Variants in CNTN4 observed in about 807,000 individuals in gnomAD.
CNTN4 encodes contactin 4, also known as contactin-4.
A neutral mutation model predicts 122.5 loss-of-function variants in CNTN4; 77 were observed. That is an observed-to-expected ratio of 0.63 (90% CI 0.52 to 0.76). The LOEUF (loss-of-function observed/expected upper bound fraction) is 0.76, where lower values mean the gene tolerates loss of function less well. Among genes scored for constraint, CNTN4 ranks in the 30% least tolerant of loss-of-function variants. The probability of loss-of-function intolerance (pLI) is 0.00; values close to 1 mark genes in which losing one functional copy is unlikely to be tolerated. For missense variants in CNTN4, 1,256 were observed against 1,259.1 expected, an observed-to-expected ratio of 1.00 and a Z score of 0.04; for synonymous variants, 512 against 447.0, an observed-to-expected ratio of 1.15 and a Z score of -1.83.
chr3:2,500,474 C>G (rs2076566854), intron 3 of CNTN4, among the ~76,000 whole-genome samples: 1 of 151,904 alleles, frequency 6.6e-6, no homozygotes, highest in African/African-American at 2.4e-5. Context: ...TAGTATTATT[C>G]CATTGTGTTC....
chr3:2,236,401 C>T (rs922116302), intron 2 of CNTN4, among the ~76,000 whole-genome samples: 3 of 152,108 alleles, frequency 2.0e-5, no homozygotes, highest in South Asian at 2.1e-4. Flanking sequence ...GTCTAAATGA[C>T]GTCATGTGTG....
intron 2 of CNTN4, among the ~76,000 whole-genome samples, chr3:2,285,675 G>T (rs1294759556): frequency 6.6e-6 from 1 of 152,002 alleles, no homozygotes; most frequent in Non-Finnish European, 1.5e-5. Context: ...CAGAGCCAAG[G>T]TAATTAGTTT....
chr3:2,592,837 G>C (rs895561732), intron 4 of CNTN4, among the ~76,000 whole-genome samples: 2 of 152,134 alleles, frequency 1.3e-5, no homozygotes, highest in Non-Finnish European at 2.9e-5. Flanking sequence ...ATAATTTAAA[G>C]TTTTCACAGC....
intron 5 of CNTN4, among the ~76,000 whole-genome samples, chr3:2,739,710 C>T (rs901738592): frequency 3.9e-5 from 6 of 152,132 alleles, no homozygotes; most frequent in Admixed American, 2.0e-4. Context: ...TTATTTAATA[C>T]AAGTTTTACA....
intron 6 of CNTN4, among the ~76,000 whole-genome samples, chr3:2,805,036 G>T (rs1463611632): frequency 6.6e-6 from 1 of 152,104 alleles, no homozygotes; most frequent in East Asian, 1.9e-4. Flanking sequence ...AATTTGCCGG[G>T]CATGGTGGCA....
chr3:2,220,213 G>T (rs532467736), intron 2 of CNTN4, among the ~76,000 whole-genome samples: 2 of 152,156 alleles, frequency 1.3e-5, no homozygotes, highest in South Asian at 2.1e-4. Flanking sequence ...GATTTCCCCA[G>T]ATCTTCTCAT....
chr3:2,335,320 A>ACAGC (rs1553626440), intron 2 of CNTN4, among the ~76,000 whole-genome samples: 1 of 151,626 alleles, frequency 6.6e-6, no homozygotes, highest in Non-Finnish European at 1.5e-5. Context: ...GATTATAATG[A>ACAGC]TAGCATTTAT....
At chr3:2,754,022 A>G (rs949206669) in intron 6 of CNTN4, among the ~76,000 whole-genome samples, 13 of 152,202 alleles carry the variant, frequency 8.5e-5, no homozygotes, top group Admixed American at 2.6e-4. Context: ...TTGAATATTG[A>G]TATTTTATGG....
chr3:2,877,831 C>G (rs1046010503), intron 8 of CNTN4, among the ~76,000 whole-genome samples: 6 of 152,052 alleles, frequency 3.9e-5, no homozygotes, highest in Admixed American at 1.3e-4. Context: ...AGGGGCCTTT[C>G]ATTTCTTACA....
At chr3:2,170,262 G>A (rs1390381230) in intron 2 of CNTN4, among the ~76,000 whole-genome samples, 3 of 152,034 alleles carry the variant, frequency 2.0e-5, no homozygotes, top group Non-Finnish European at 4.4e-5. Context: ...GGAGCTTGCA[G>A]TGAGCCGAGA....
At chr3:2,734,922 G>A (rs2088970303) in intron 4 of CNTN4, among the ~76,000 whole-genome samples, 1 of 152,106 alleles carries the variant, frequency 6.6e-6, no homozygotes, top group African/African-American at 2.4e-5. Flanking sequence ...AGCCTCTGGT[G>A]ATTCTATCTT....
chr3:3,042,893 G>A (rs1700296088), intron 21 of CNTN4, 84 bp from the exon 22 acceptor site: 1 of 1,106,784 alleles, frequency 9.0e-7, no homozygotes. Flanking sequence ...TCCATCATAA[G>A]AATCTGCGTA....
intron 2 of CNTN4, among the ~76,000 whole-genome samples, chr3:2,104,069 G>C (rs79101567): frequency 0.058 from 8,875 of 152,102 alleles, 325 homozygotes; most frequent in Middle Eastern, 0.088. Flanking sequence ...TTACCATGTA[G>C]GTAGGCATAA....
chr3:3,039,088 T>A, intron 19 of CNTN4, 85 bp downstream of exon 19: 2 of 1,186,112 alleles, frequency 1.7e-6, no homozygotes, highest in South Asian at 2.6e-5. Context: ...GCTGGGAAGT[T>A]TCCTCCTCTG....
At chr3:2,416,608 C>T (rs1298278113) in intron 3 of CNTN4, among the ~76,000 whole-genome samples, 1 of 152,104 alleles carries the variant, frequency 6.6e-6, no homozygotes, top group South Asian at 2.1e-4. Context: ...TTCTGAAAAT[C>T]GTGTATGACT....
chr3:2,754,236 G>T (rs949160582), intron 6 of CNTN4, among the ~76,000 whole-genome samples: 28 of 152,208 alleles, frequency 1.8e-4, no homozygotes, highest in African/African-American at 6.7e-4. Context: ...TATAAACATT[G>T]TTTGGGGCCT....
At chr3:2,171,185 A>G (rs964066835) in intron 2 of CNTN4, among the ~76,000 whole-genome samples, 3 of 152,186 alleles carry the variant, frequency 2.0e-5, no homozygotes, top group Non-Finnish European at 2.9e-5. Flanking sequence ...AAAACCATGC[A>G]CCTAAATGTC....
chr3:2,222,421 A>G (rs896864743), intron 2 of CNTN4, among the ~76,000 whole-genome samples: 3 of 152,110 alleles, frequency 2.0e-5, no homozygotes, highest in African/African-American at 2.4e-5. Flanking sequence ...CTCCAAAGAA[A>G]ACATGGGAGT....
chr3:2,340,283 C>T (rs931755019), intron 3 of CNTN4, among the ~76,000 whole-genome samples: 5 of 151,938 alleles, frequency 3.3e-5, no homozygotes, highest in Non-Finnish European at 7.4e-5. Flanking sequence ...ATAATCATAA[C>T]ATGGAGTGGA....
Sources: gnomAD v4.1 joint callset for allele counts (sites outside exome capture counted in the v4.1 genomes callset) on GRCh38, gnomAD v4.1.1 for gene constraint, MANE v1.5 for transcripts, NCBI Gene and HGNC (gene_info 2026-07-23, HGNC 2026-07-21) for gene names.